PARD3B: variants seen among roughly 807,000 people sequenced by gnomAD.
The protein encoded by PARD3B is partitioning defective 3 homolog B.
PARD3B carries 103 observed loss-of-function variants against 130.2 expected under a neutral mutation model. The ratio of observed to expected loss-of-function variants is 0.79; its 90% CI spans 0.67 to 0.93. PARD3B has a LOEUF of 0.93. Among genes scored for constraint, PARD3B ranks in the 40% least tolerant of loss-of-function variants. The probability of loss-of-function intolerance (pLI) is 0.00; values close to 1 mark genes in which losing one functional copy is unlikely to be tolerated. For synonymous variants in PARD3B, 583 were observed against 553.2 expected (o/e 1.05, Z -0.76); for missense variants, 1,609 against 1,499.2 (o/e 1.07, Z -1.21).
At chr2:205,175,125 ATACTT>A (rs1200352132) in intron 12 of PARD3B, among the ~76,000 whole-genome samples, 2 of 152,210 alleles carry the variant, frequency 1.3e-5, no homozygotes, top group African/African-American at 4.8e-5. Context: ...TACAGGCTGA[ATACTT>A]TAATTAGGCT....
intron 2 of PARD3B, among the ~76,000 whole-genome samples, chr2:204,843,177 GAAA>G (rs977709569): frequency 6.7e-6 from 1 of 148,968 alleles, no homozygotes; most frequent in Non-Finnish European, 1.5e-5. Context: ...AGCTTGGAGA[GAAA>G]AAAAAAATTA....
intron 2 of PARD3B, among the ~76,000 whole-genome samples, chr2:204,826,528 A>G (rs951726831): frequency 1.3e-5 from 2 of 152,208 alleles, no homozygotes; most frequent in Non-Finnish European, 2.9e-5. Context: ...ACATAAAGAT[A>G]TTCAGATATT....
intron 21 of PARD3B, among the ~76,000 whole-genome samples, chr2:205,515,617 GTATC>G (rs1229914734): frequency 6.6e-6 from 1 of 151,892 alleles, no homozygotes; most frequent in African/African-American, 2.4e-5. Flanking sequence ...TTTTTGAAAA[GTATC>G]TATTCATGTC....
intron 4 of PARD3B, among the ~76,000 whole-genome samples, chr2:205,084,750 G>A (rs1701637820): frequency 6.6e-6 from 1 of 151,800 alleles, no homozygotes; most frequent in African/African-American, 2.4e-5. Flanking sequence ...ATTGCACTGT[G>A]GTCAGAGAAC....
chr2:204,576,040 T>A (rs574225036), intron 1 of PARD3B, among the ~76,000 whole-genome samples: 1 of 152,284 alleles, frequency 6.6e-6, no homozygotes, highest in Non-Finnish European at 1.5e-5. Context: ...TCTTATCTCT[T>A]CCTTCTGGGG....
intron 2 of PARD3B, among the ~76,000 whole-genome samples, chr2:204,735,832 TAAA>T (rs2039721279): frequency 6.6e-6 from 1 of 152,038 alleles, no homozygotes; most frequent in Non-Finnish European, 1.5e-5. Context: ...GATGCGGAAA[TAAA>T]AGAAAGGAAT....
chr2:205,094,225 T>C (rs1702273537), intron 4 of PARD3B, among the ~76,000 whole-genome samples: 1 of 152,286 alleles, frequency 6.6e-6, no homozygotes, highest in East Asian at 1.9e-4. Flanking sequence ...CCAATAAAGA[T>C]GTCACAAAGT....
intron 4 of PARD3B, among the ~76,000 whole-genome samples, chr2:205,062,556 C>T (rs1700122205): frequency 6.6e-6 from 1 of 152,166 alleles, no homozygotes; most frequent in Non-Finnish European, 1.5e-5. Flanking sequence ...AGTGGAAGTG[C>T]ACTGAGGATG....
At chr2:205,322,840 C>G (rs903383794) in intron 18 of PARD3B, among the ~76,000 whole-genome samples, 4 of 134,124 alleles carry the variant, frequency 3.0e-5, no homozygotes, top group African/African-American at 8.0e-5. Flanking sequence ...CACTTTGAAA[C>G]TTTCAGCCAA....
At chr2:205,285,709 T>C (rs950144630) in intron 16 of PARD3B, among the ~76,000 whole-genome samples, 26 of 152,106 alleles carry the variant, frequency 1.7e-4, no homozygotes, top group African/African-American at 6.3e-4. Context: ...ATTCCAAGGA[T>C]CTATTTCAGC....
chr2:205,469,518 G>C (rs553613843), intron 20 of PARD3B, among the ~76,000 whole-genome samples: 14 of 152,190 alleles, frequency 9.2e-5, no homozygotes, highest in African/African-American at 3.4e-4. Context: ...CACAGCAGGT[G>C]ACTTTTTCAC....
chr2:205,420,998 G>A (rs1420099579), intron 19 of PARD3B, among the ~76,000 whole-genome samples: 1 of 152,090 alleles, frequency 6.6e-6, no homozygotes, highest in African/African-American at 2.4e-5. Flanking sequence ...AAAATTAGCT[G>A]GATGTGGTGG....
intron 2 of PARD3B, among the ~76,000 whole-genome samples, chr2:204,698,296 G>A (rs566111361): frequency 7.2e-5 from 11 of 152,008 alleles, no homozygotes; most frequent in East Asian, 1.9e-4. Context: ...AGTTCTATAC[G>A]TCATTAATTG....
intron 14 of PARD3B, among the ~76,000 whole-genome samples, chr2:205,189,091 A>G (rs2036254475): frequency 6.6e-6 from 1 of 152,174 alleles, no homozygotes; most frequent in African/African-American, 2.4e-5. Context: ...AATATATCGA[A>G]TATTATTAAC....
chr2:205,485,989 A>G (rs1015468040), intron 20 of PARD3B, among the ~76,000 whole-genome samples: 1 of 152,104 alleles, frequency 6.6e-6, no homozygotes, highest in Non-Finnish European at 1.5e-5. Context: ...TGTCTCCCCA[A>G]CTAGACTGTG....
chr2:205,320,505 G>A (rs2042716551), intron 18 of PARD3B, among the ~76,000 whole-genome samples: 1 of 152,150 alleles, frequency 6.6e-6, no homozygotes, highest in African/African-American at 2.4e-5. Context: ...AATAGTGGTA[G>A]GTTATAGGAT....
intron 15 of PARD3B, among the ~76,000 whole-genome samples, chr2:205,220,821 A>G (rs1380330850): frequency 6.6e-6 from 1 of 152,134 alleles, no homozygotes; most frequent in Non-Finnish European, 1.5e-5. Context: ...ACAGTATGGA[A>G]AAGAGCATGT....
chr2:205,434,443 C>T (rs374818364), intron 19 of PARD3B, among the ~76,000 whole-genome samples: 1 of 151,870 alleles, frequency 6.6e-6, no homozygotes. Context: ...TCAAGGAGCC[C>T]GTAATCTAGT....
intron 18 of PARD3B, among the ~76,000 whole-genome samples, chr2:205,398,933 G>C (rs1015780206): frequency 1.3e-5 from 2 of 152,146 alleles, no homozygotes; most frequent in Non-Finnish European, 2.9e-5. Context: ...GCTGGGGCAG[G>C]GTTGGGGGTA....
Sources: allele counts gnomAD v4.1 joint callset (sites outside exome capture counted in the v4.1 genomes callset), GRCh38; gene constraint gnomAD v4.1.1; transcripts MANE v1.5; gene names NCBI Gene and HGNC (gene_info 2026-07-23, HGNC 2026-07-21).